The following ATRN variants were observed in gnomAD, a reference collection of about 807,000 sequenced individuals.
ATRN encodes attractin-2.
Under a neutral mutation model 178.7 loss-of-function variants are expected in ATRN, and 54 were observed. That is an observed-to-expected ratio of 0.30 (90% CI 0.24 to 0.38). ATRN has a LOEUF of 0.38. ATRN is among the 10% of genes least tolerant of loss of function. ATRN has a pLI of 1.00. For missense variants in ATRN, 1,443 were observed against 1,815.1 expected (o/e 0.79, Z 3.73); for synonymous variants, 636 against 663.0 (o/e 0.96, Z 0.63).
intron 1 of ATRN, among the ~76,000 whole-genome samples, chr20:3,472,438 G>A (rs1199863222): frequency 2.0e-5 from 3 of 152,162 alleles, no homozygotes; most frequent in Non-Finnish European, 4.4e-5. Flanking sequence ...TGTCTGATGT[G>A]GGGGAGTGGG....
At chr20:3,535,852 A>T (rs954224289) in intron 2 of ATRN, among the ~76,000 whole-genome samples, 1 of 151,842 alleles carries the variant, frequency 6.6e-6, no homozygotes, top group Non-Finnish European at 1.5e-5. Flanking sequence ...ATGGTCTCGA[A>T]CTCCTGACCT....
chr20:3,626,539 G>C (rs1008912174), intron 25 of ATRN, among the ~76,000 whole-genome samples: 1 of 151,922 alleles, frequency 6.6e-6, no homozygotes, highest in African/African-American at 2.4e-5. Context: ...AACACTTCAG[G>C]CTTCTTATTT....
intron 1 of ATRN, chr20:3,490,063 A>G (rs910277579): frequency 1.5e-5 from 18 of 1,202,688 alleles, no homozygotes; most frequent in Non-Finnish European, 2.0e-5. Context: ...TAGAAAAGCA[A>G]TGTCTTTGTT....
At chr20:3,545,629 C>A in intron 3 of ATRN, 133 bp from the exon 4 acceptor site, 1 of 1,110,406 alleles carries the variant, frequency 9.0e-7, no homozygotes, top group Non-Finnish European at 1.3e-6. Context: ...GTGTGTTTAT[C>A]ACAGGAATTT....
In ATRN at chr20:3,594,468, C is replaced by T; in HGVS notation, c.3323-11C>T. The T allele has an allele frequency of 6.3e-7, 1 of 1,586,202 alleles. No individual in the cohort carries two copies. Among genetic ancestry groups the T allele is most frequent in the Non-Finnish European group, 8.6e-7 (1 of 1,162,284 alleles). On this transcript the variant is annotated splice_polypyrimidine_tract_variant and intron_variant, in intron 19 of 28. Transcript: ENST00000262919. Reference sequence around the variant, plus strand: ...CCAGTTGTGACCTCTGTTCCTTTTTCTTCTCTGCAGCATGCAAGTGCAATG... The same window carrying T: ...CCAGTTGTGACCTCTGTTCCTTTTTTTTCTCTGCAGCATGCAAGTGCAATG...
chr20:3,619,185 C>T (rs911259201), intron 24 of ATRN, among the ~76,000 whole-genome samples: 1 of 152,206 alleles, frequency 6.6e-6, no homozygotes, highest in Non-Finnish European at 1.5e-5. Context: ...GCCAGCTGTC[C>T]TTTCTCTTCC....
chr20:3,581,750 T>G (rs1231799478), intron 15 of ATRN, among the ~76,000 whole-genome samples: 1 of 152,232 alleles, frequency 6.6e-6, no homozygotes, highest in Non-Finnish European at 1.5e-5. Flanking sequence ...AATATTGCTT[T>G]GCTATAATTT....
At chr20:3,624,004 G>T (rs1023305491) in intron 24 of ATRN, among the ~76,000 whole-genome samples, 3 of 152,132 alleles carry the variant, frequency 2.0e-5, no homozygotes, top group African/African-American at 7.2e-5. Flanking sequence ...TTCTGATGAC[G>T]TAGTGTCAGA....
intron 1 of ATRN, among the ~76,000 whole-genome samples, chr20:3,492,691 A>C (rs1400124367): frequency 6.6e-6 from 1 of 152,024 alleles, no homozygotes; most frequent in Non-Finnish European, 1.5e-5. Flanking sequence ...CGTTTTGCGC[A>C]TGGGAGAAGC....
intron 2 of ATRN, among the ~76,000 whole-genome samples, chr20:3,538,170 G>A (rs1454198831): frequency 2.1e-5 from 3 of 143,276 alleles, no homozygotes; most frequent in Non-Finnish European, 4.5e-5. Flanking sequence ...TAACTGGTGA[G>A]GATTTAATAA....
In ATRN at chr20:3,540,096, A is replaced by C. The variant is rs2085596841; in HGVS notation, c.495-126A>C. ...TAAATAAATCTTTGACAAATGAAGG[A>C]ATACTGGTGGGGCAGTTGTTAGACT... is the stretch of plus-strand genomic sequence containing the variant. On this transcript the variant is annotated intron_variant, in intron 2 of 28. Transcript: ENST00000262919. 9.3e-6 allele frequency: 5 copies of C among 535,838 alleles called. No individual in the cohort carries two copies. The South Asian group carries it at 1.2e-4, about 12-fold the overall frequency. The allele number at this position is 535,838 out of a possible 1,614,324, so 33.2% of individuals were successfully genotyped here.
intron 1 of ATRN, among the ~76,000 whole-genome samples, chr20:3,494,569 G>T (rs2084852100): frequency 6.6e-6 from 1 of 152,168 alleles, no homozygotes; most frequent in Admixed American, 6.6e-5. Context: ...AAAAAGATGA[G>T]ATTGGTTTGT....
intron 1 of ATRN, among the ~76,000 whole-genome samples, chr20:3,512,762 A>G (rs550221601): frequency 2.0e-5 from 3 of 152,286 alleles, no homozygotes; most frequent in Admixed American, 1.3e-4. Context: ...CATCCTCTCC[A>G]GCACCCGTTG....
intron 19 of ATRN, among the ~76,000 whole-genome samples, 175 bp from the exon 20 acceptor site, chr20:3,594,304 A>G (rs1568752486): frequency 6.6e-6 from 1 of 152,194 alleles, no homozygotes; most frequent in Non-Finnish European, 1.5e-5. Flanking sequence ...AATGTTACCT[A>G]TACATTATTA....
intron 10 of ATRN, among the ~76,000 whole-genome samples, 188 bp downstream of exon 10, chr20:3,563,551 C>G (rs1023244479): frequency 2.0e-5 from 3 of 152,248 alleles, no homozygotes; most frequent in Admixed American, 2.0e-4. Flanking sequence ...ACATTAAATT[C>G]TTTTTGAAAT....
At chr20:3,624,861 A>G (rs1365480050) in intron 25 of ATRN, among the ~76,000 whole-genome samples, 2 of 151,836 alleles carry the variant, frequency 1.3e-5, no homozygotes, top group African/African-American at 4.9e-5. Context: ...GGCTCTTCAT[A>G]TGGGGAGAAT....
intron 1 of ATRN, among the ~76,000 whole-genome samples, chr20:3,492,396 T>C (rs1257088162): frequency 1.3e-5 from 2 of 152,100 alleles, no homozygotes; most frequent in African/African-American, 4.8e-5. Context: ...TGCAGAGTTA[T>C]TCTAAATATT....
At chr20:3,485,267 C>G (rs1364247470) in intron 1 of ATRN, among the ~76,000 whole-genome samples, 1 of 152,138 alleles carries the variant, frequency 6.6e-6, no homozygotes, top group East Asian at 1.9e-4. Context: ...AGTCATGCTG[C>G]CAATAAGTTG....
chr20:3,633,595 C>G (rs937140087), intron 25 of ATRN, among the ~76,000 whole-genome samples: 10 of 152,194 alleles, frequency 6.6e-5, no homozygotes, highest in Admixed American at 2.0e-4. Flanking sequence ...TAGCAGTTAT[C>G]TATTTTTTTA....
Sources: allele counts gnomAD v4.1 joint callset (sites outside exome capture counted in the v4.1 genomes callset), GRCh38; gene constraint gnomAD v4.1.1; transcripts MANE v1.5; gene names NCBI Gene and HGNC (gene_info 2026-07-23, HGNC 2026-07-21).